TXNDC11: variants seen among roughly 807,000 people sequenced by gnomAD.
The protein encoded by TXNDC11 is thioredoxin domain-containing protein 11.
A neutral mutation model predicts 78.0 loss-of-function variants in TXNDC11; 68 were observed. The observed-to-expected ratio is 0.87, with a 90% confidence interval of 0.72 to 1.07. The LOEUF is 1.07. Among genes scored for constraint, TXNDC11 ranks in the 50% least tolerant of loss-of-function variants. TXNDC11 has a pLI of 0.00. For missense variants in TXNDC11, 1,389 were observed against 1,221.8 expected (o/e 1.14, Z -2.04); for synonymous variants, 571 against 495.2 (o/e 1.15, Z -2.03).
Position 11,683,260 on chromosome 16 carries a change from T to C in TXNDC11, c.2234+905A>G, listed in dbSNP as rs1003667944. Among the ~76,000 whole-genome samples, 45 of 152,186 alleles carry C rather than the reference T, an allele frequency of 3.0e-4. 1 individual carries two copies. Among genetic ancestry groups the C allele is most frequent in the African/African-American group, 1.0e-3 (43 of 41,452 alleles). On this transcript the variant is annotated intron_variant, in intron 11 of 11. Coordinates refer to ENST00000283033, the MANE Select transcript of TXNDC11 (RefSeq NM_015914.7). ...CTGCTTGCAGGGGCTTCCGGGGTAG[T>C]TGCCGTTAAGAACTGCACCTGGAAT... is the stretch of plus-strand genomic sequence containing the variant.
At chr16:11,692,650 C>T (rs1335213079) in intron 7 of TXNDC11, among the ~76,000 whole-genome samples, 1 of 152,182 alleles carries the variant, frequency 6.6e-6, no homozygotes, top group South Asian at 2.1e-4. Context: ...TCTGTGGTTT[C>T]AGGCATTCAT....
intron 4 of TXNDC11, among the ~76,000 whole-genome samples, chr16:11,727,489 A>G (rs1198833251): frequency 1.3e-5 from 2 of 152,234 alleles, no homozygotes; most frequent in African/African-American, 4.8e-5. Flanking sequence ...CAAAACAAGT[A>G]TCTTTCATAG....
chr16:11,681,155 G>C (rs1354221688), intron 11 of TXNDC11, among the ~76,000 whole-genome samples: 1 of 152,188 alleles, frequency 6.6e-6, no homozygotes, highest in Non-Finnish European at 1.5e-5. Context: ...CTGGGCAACA[G>C]AGTCAGACCT....
In TXNDC11 at chr16:11,679,616, C is replaced by T. The variant is rs200753720; in HGVS notation, c.2456G>A (p.Arg819Gln). The T allele has an allele frequency of 1.5e-5, 25 of 1,614,058 alleles. No homozygotes were observed. Among genetic ancestry groups the T allele is most frequent in the South Asian group, 5.5e-5 (5 of 91,084 alleles). ...CTGGGACTCCACCTGCACTTGTGCTCGCTGGAGGCTGCTTATTTCTGCTCT... is the reference window on the plus strand; with the variant it reads ...CTGGGACTCCACCTGCACTTGTGCTTGCTGGAGGCTGCTTATTTCTGCTCT... ...KLRAEISSLQRAQVQVESQLS... is the reference protein window; with the variant it reads ...KLRAEISSLQQAQVQVESQLS... The change falls in exon 12 of 12, where the codon CGA (arginine) becomes CAA (glutamine). Residue 819 changes from arginine to glutamine, a missense_variant. By Grantham distance (43) the Arg-to-Gln change is conservative (BLOSUM62 1). Coordinates refer to ENST00000283033, the MANE Select transcript of TXNDC11 (RefSeq NM_015914.7). This position sits in a 1 kb window ranked among gnomAD's most constrained non-coding sequence, Gnocchi z 4.6.
intron 5 of TXNDC11, among the ~76,000 whole-genome samples, chr16:11,701,237 A>C (rs1019011432): frequency 2.0e-5 from 3 of 149,974 alleles, no homozygotes; most frequent in Non-Finnish European, 4.4e-5. Context: ...CATGGGCTCA[A>C]GCAATTCTCC....
At chr16:11,720,139 G>C (rs769246769) in intron 5 of TXNDC11, among the ~76,000 whole-genome samples, 1 of 152,108 alleles carries the variant, frequency 6.6e-6, no homozygotes, top group Non-Finnish European at 1.5e-5. Flanking sequence ...GACTGAGAGA[G>C]AGCATACAAC....
intron 5 of TXNDC11, among the ~76,000 whole-genome samples, chr16:11,716,295 G>A (rs879221040): frequency 1.3e-5 from 2 of 152,310 alleles, no homozygotes; most frequent in Middle Eastern, 3.4e-3. Flanking sequence ...AGCAGAGTAT[G>A]ACAAAATGTT....
Position 11,692,061 on chromosome 16 carries a change from A to G in TXNDC11, c.1129T>C (p.Tyr377His). The change falls in exon 8 of 12, where the codon TAC (tyrosine) becomes CAC (histidine). Residue 377 changes from tyrosine (Y) to histidine (H), a missense_variant. Physicochemically the swap from Tyr to His is moderately conservative, Grantham distance 83 (BLOSUM62 2). Transcript: ENST00000283033. ...ACCTGGTCCCCATGACAGTTGTTGT[A>G]CTCCAAGGCCACTTCGGTGATCTGA... ...IDEITEVALEYNNCHGDQVVE... is the reference protein window; with the variant it reads ...IDEITEVALEHNNCHGDQVVE... 6.5e-7 allele frequency: 1 copy of G among 1,528,726 alleles called. No individual in the cohort carries two copies. Among genetic ancestry groups the G allele is most frequent in the Non-Finnish European group, 8.8e-7 (1 of 1,139,418 alleles). The allele number at this position is 1,528,726 out of a possible 1,614,324, so 94.7% of individuals were successfully genotyped here. A position where few individuals can be genotyped will look rare whatever the true frequency, so the allele number is the denominator to read the frequency against.
At chr16:11,726,070 G>A (rs983893869) in intron 4 of TXNDC11, among the ~76,000 whole-genome samples, 1 of 152,078 alleles carries the variant, frequency 6.6e-6, no homozygotes, top group South Asian at 2.1e-4. Flanking sequence ...TATAGACACA[G>A]GGTCTAATTT....
At chr16:11,690,973 C>T (rs1199768095) in intron 8 of TXNDC11, 1 of 351,892 alleles carries the variant, frequency 2.8e-6, no homozygotes, top group East Asian at 7.0e-5. Context: ...TTCTAGTCCC[C>T]AAGTCCCCAC....
At position 11,691,306 on chromosome 16, in the gene TXNDC11, C is replaced by T. The variant is rs779196723; in HGVS notation, c.1884G>A (p.Leu628=). The T allele has an allele frequency of 1.1e-5, 18 of 1,613,162 alleles. No homozygotes were observed. The South Asian group carries it at 1.9e-4, about 17-fold the overall frequency. ...CTGCAGTACCTAGGGTGAGCTTCAT[C>T]AGTGCTTGCTTTGGATCCAAGATGT... ...SHYILDPKQA[L]MKLTLESFIQ... is the part of the protein sequence containing the mutation. Residue 628 remains leucine (L), a synonymous_variant, in exon 8 of 12, where the codon CTG becomes CTA. Coordinates refer to ENST00000283033, the MANE Select transcript of TXNDC11 (RefSeq NM_015914.7).
intron 4 of TXNDC11, among the ~76,000 whole-genome samples, chr16:11,722,835 A>G (rs2051750367): frequency 6.6e-6 from 1 of 152,242 alleles, no homozygotes; most frequent in African/African-American, 2.4e-5. Context: ...TAAAGTTTAA[A>G]ATCAATATGT....
intron 3 of TXNDC11, 47 bp from the exon 4 acceptor site, chr16:11,730,821 C>T: frequency 2.1e-6 from 3 of 1,404,740 alleles, no homozygotes; most frequent in East Asian, 2.5e-5. Context: ...AAAAATAATA[C>T]ACCATGCATT....
At chr16:11,692,612 T>G (rs1468049473) in intron 7 of TXNDC11, among the ~76,000 whole-genome samples, 2 of 152,146 alleles carry the variant, frequency 1.3e-5, no homozygotes, top group African/African-American at 4.8e-5. Context: ...GTGAAATTCG[T>G]GTGTAGTATA....
chr16:11,689,954 A>G (rs1228259219), intron 8 of TXNDC11: 2 of 152,232 alleles, frequency 1.3e-5, no homozygotes, highest in South Asian at 2.1e-4. Context: ...TGGATTTATA[A>G]TATGTAACTT....
intron 2 of TXNDC11, among the ~76,000 whole-genome samples, chr16:11,734,825 T>A (rs1390401338): frequency 6.6e-6 from 1 of 152,194 alleles, no homozygotes. Context: ...TTACTTCACA[T>A]CAGTGGTTCT....
chr16:11,713,350 CT>C (rs2051424817), intron 5 of TXNDC11, among the ~76,000 whole-genome samples: 1 of 151,974 alleles, frequency 6.6e-6, no homozygotes, highest in Non-Finnish European at 1.5e-5. Context: ...ACAAGGATTC[CT>C]TTGCTAAAAT....
intron 11 of TXNDC11, among the ~76,000 whole-genome samples, chr16:11,681,563 T>C (rs2050425939): frequency 6.6e-6 from 1 of 152,190 alleles, no homozygotes; most frequent in South Asian, 2.1e-4. Flanking sequence ...CCCATGTCTA[T>C]GCAACTCTCC....
chr16:11,696,101 C>T (rs2050852348), intron 7 of TXNDC11, among the ~76,000 whole-genome samples: 1 of 152,090 alleles, frequency 6.6e-6, no homozygotes, highest in East Asian at 1.9e-4. Context: ...GTCCACAAGG[C>T]CCTCTCCTCC....
Sources: allele counts gnomAD v4.1 joint callset (sites outside exome capture counted in the v4.1 genomes callset), GRCh38; gene constraint gnomAD v4.1.1; non-coding constraint Gnocchi (gnomAD v3.1); transcripts MANE v1.5; gene names NCBI Gene and HGNC (gene_info 2026-07-23, HGNC 2026-07-21).